Variants in TCF4 observed in about 807,000 individuals in gnomAD.
TCF4 encodes the protein SL3-3 enhancer factor 2.
TCF4 carries 3 observed loss-of-function variants against 82.1 expected under a neutral mutation model. The ratio of observed to expected loss-of-function variants is 0.04; its 90% CI spans 0.02 to 0.09. The LOEUF (loss-of-function observed/expected upper bound fraction) is 0.09, where lower values mean the gene tolerates loss of function less well. Ranked by LOEUF, TCF4 falls within the 10% of genes least tolerant of loss-of-function variation. TCF4 has a pLI of 1.00. For missense variants in TCF4, 518 were observed against 852.7 expected (o/e 0.61, Z 4.89); for synonymous variants, 276 against 309.6 (o/e 0.89, Z 1.14).
intron 5 of TCF4, among the ~76,000 whole-genome samples, chr18:55,416,938 T>C (rs2146841077): frequency 6.6e-6 from 1 of 152,266 alleles, no homozygotes; most frequent in African/African-American, 2.4e-5. Context: ...TCCTGCAGCC[T>C]GGAGCTGAGA....
chr18:55,372,018 C>T (rs2145602214), intron 6 of TCF4, among the ~76,000 whole-genome samples: 1 of 152,278 alleles, frequency 6.6e-6, no homozygotes, highest in East Asian at 1.9e-4. Context: ...CATCTCCTTC[C>T]TTATAAGGTA....
chr18:55,400,470 A>G (rs1433715236), intron 6 of TCF4, among the ~76,000 whole-genome samples: 4 of 152,164 alleles, frequency 2.6e-5, no homozygotes, highest in South Asian at 2.1e-4. Flanking sequence ...ACACAATTTT[A>G]AAAGTCTCAA....
intron 8 of TCF4, chr18:55,284,423 A>AT (rs1487038556): frequency 4.6e-5 from 7 of 152,228 alleles, no homozygotes; most frequent in Admixed American, 3.9e-4. Flanking sequence ...AAAAAAAAAA[A>AT]GAAAAAAGAA....
In TCF4 at chr18:55,227,142, G is replaced by A. The variant is rs554575288; in HGVS notation, c.*893C>T. 1.6e-4 allele frequency: 24 copies of A among 152,112 alleles called. No individual in the cohort carries two copies. The highest frequency in any genetic ancestry group is 5.8e-4 in the African/African-American group (24 of 41,334). 9.4% of individuals were successfully genotyped at this position (152,112 alleles called of 1,614,324 possible). A position where few individuals can be genotyped will look rare whatever the true frequency, so the allele number is the denominator to read the frequency against. On this transcript the variant is annotated 3_prime_UTR_variant, in exon 20 of 20. Transcript: ENST00000354452. ...AACAACTTTCTACTTATTTATGAAT[G>A]AGAAGCAACATCAGGGTCAGCATTT...
chr18:55,480,295 A>AAAAAAC (rs2096394885), intron 3 of TCF4, among the ~76,000 whole-genome samples: 1 of 121,642 alleles, frequency 8.2e-6, no homozygotes, highest in Non-Finnish European at 1.8e-5. Flanking sequence ...AAAAAAAAAA[A>AAAAAAC]AGCGGGGGGG....
chr18:55,436,531 C>A (rs2095333124), intron 5 of TCF4, among the ~76,000 whole-genome samples: 1 of 152,190 alleles, frequency 6.6e-6, no homozygotes, highest in Non-Finnish European at 1.5e-5. Context: ...TTTCTCTCTG[C>A]ATCTTAATTT....
chr18:55,343,583 A>T (rs919407342), intron 8 of TCF4, among the ~76,000 whole-genome samples: 1 of 152,126 alleles, frequency 6.6e-6, no homozygotes, highest in African/African-American at 2.4e-5. Context: ...ACCAAATCAT[A>T]AAGCATCTTT....
chr18:55,342,082 A>G (rs936991307), intron 8 of TCF4, among the ~76,000 whole-genome samples: 2 of 152,176 alleles, frequency 1.3e-5, no homozygotes, highest in Non-Finnish European at 2.9e-5. Flanking sequence ...GAAAGGAATG[A>G]ATGAATAAAT....
intron 9 of TCF4, among the ~76,000 whole-genome samples, chr18:55,277,695 T>C (rs1183434666): frequency 6.6e-6 from 1 of 151,782 alleles, no homozygotes; most frequent in Admixed American, 6.6e-5. Flanking sequence ...GAAAGGAGCC[T>C]ACTGATATAA....
chr18:55,573,612 T>C (rs1603623945), intron 3 of TCF4, among the ~76,000 whole-genome samples: 1 of 152,176 alleles, frequency 6.6e-6, no homozygotes, highest in South Asian at 2.1e-4. Flanking sequence ...AATCATGCCC[T>C]ACCTGTCAGC....
chr18:55,466,809 T>G (rs2096034169), intron 3 of TCF4, among the ~76,000 whole-genome samples: 1 of 152,162 alleles, frequency 6.6e-6, no homozygotes, highest in African/African-American at 2.4e-5. Context: ...TATTCCCAAC[T>G]GGGCAATTTC....
rs746348269 is a variant in TCF4, at chr18:55,314,883, T to C, written c.550-35227A>G. On this transcript the variant is annotated intron_variant, in intron 8 of 19. Coordinates refer to ENST00000354452, the MANE Select transcript of TCF4 (RefSeq NM_001083962.2). ...AATTCCCACTTAAACAGGATCATTA[T>C]TGGTGCAGTCATTCAGTACTCTATA... 7.9e-5 allele frequency among the ~76,000 whole-genome samples: 12 copies of C among 152,248 alleles called. No individual in the cohort carries two copies. The East Asian group carries it at 1.3e-3, about 17-fold the overall frequency.
chr18:55,322,091 TCTTTTTTTTTTTC>T (rs2075656870), intron 8 of TCF4: 1 of 1,078,488 alleles, frequency 9.3e-7, no homozygotes, highest in Non-Finnish European at 1.1e-6. Context: ...CTTTTTCTTT[TCTTTTTTTTTTTC>T]CTTTTTTTTT....
intron 8 of TCF4, among the ~76,000 whole-genome samples, chr18:55,306,533 A>T (rs2070399048): frequency 6.6e-6 from 1 of 152,226 alleles, no homozygotes; most frequent in Non-Finnish European, 1.5e-5. Flanking sequence ...AATAAAGAAA[A>T]GAATTAATTT....
At chr18:55,379,304 A>C (rs897175157) in intron 6 of TCF4, among the ~76,000 whole-genome samples, 2 of 152,232 alleles carry the variant, frequency 1.3e-5, no homozygotes, top group African/African-American at 2.4e-5. Flanking sequence ...TAGTTTATTA[A>C]CTCAACAAGC....
chr18:55,460,959 A>G, intron 5 of TCF4, 60 bp downstream of exon 5: 3 of 1,448,448 alleles, frequency 2.1e-6, no homozygotes, highest in Non-Finnish European at 2.9e-6. Context: ...ACATGGTTTT[A>G]CCTTCTATAG....
At chr18:55,253,736 T>C (rs1354488727) in intron 15 of TCF4, among the ~76,000 whole-genome samples, 4 of 151,944 alleles carry the variant, frequency 2.6e-5, no homozygotes, top group Non-Finnish European at 5.9e-5. Context: ...TATATTTCTA[T>C]CTCCCAGACT....
chr18:55,569,038 C>A (rs1026187870), intron 3 of TCF4, among the ~76,000 whole-genome samples: 80 of 152,106 alleles, frequency 5.3e-4, no homozygotes, highest in African/African-American at 1.9e-3. Context: ...AAATTCAATA[C>A]CTGTTCATGA....
At chr18:55,241,438 T>C (rs1244832677) in intron 15 of TCF4, among the ~76,000 whole-genome samples, 1 of 152,244 alleles carries the variant, frequency 6.6e-6, no homozygotes, top group African/African-American at 2.4e-5. Flanking sequence ...TCCATCCTAG[T>C]GAACCAAACA....
Sources: allele counts gnomAD v4.1 joint callset (sites outside exome capture counted in the v4.1 genomes callset), GRCh38; gene constraint gnomAD v4.1.1; transcripts MANE v1.5; gene names NCBI Gene and HGNC (gene_info 2026-07-23, HGNC 2026-07-21).